The following SCAPER variants were observed in gnomAD, a reference collection of about 807,000 sequenced individuals.
SCAPER encodes S-phase cyclin A associated protein in the ER.
In SCAPER, 98 loss-of-function variants were observed where a neutral mutation model predicts 182.2. That is an observed-to-expected ratio of 0.54 (90% CI 0.46 to 0.64). The LOEUF (loss-of-function observed/expected upper bound fraction) is 0.64. Among genes scored for constraint, SCAPER ranks in the 30% least tolerant of loss-of-function variants. The pLI is 0.00. For missense variants in SCAPER, 1,432 were observed against 1,690.0 expected (o/e 0.85, Z 2.68); for synonymous variants, 605 against 564.6 (o/e 1.07, Z -1.01).
chr15:76,544,818 G>A (rs2045113307), intron 23 of SCAPER, among the ~76,000 whole-genome samples: 1 of 152,124 alleles, frequency 6.6e-6, no homozygotes, highest in Non-Finnish European at 1.5e-5. Context: ...TATGGTATAT[G>A]AATTAAATCT....
At chr15:76,427,201 CA>C (rs1456817088) in intron 26 of SCAPER, among the ~76,000 whole-genome samples, 1 of 151,774 alleles carries the variant, frequency 6.6e-6, no homozygotes. Context: ...ATTAACATAC[CA>C]AAAAAATAGA....
intron 1 of SCAPER, among the ~76,000 whole-genome samples, chr15:76,899,928 A>G (rs1173470630): frequency 2.0e-5 from 3 of 152,244 alleles, no homozygotes; most frequent in Non-Finnish European, 2.9e-5. Context: ...GAAAAGAAAG[A>G]TCAGATTGTT....
chr15:76,379,499 CT>C (rs2042794573), intron 28 of SCAPER, among the ~76,000 whole-genome samples: 3 of 151,796 alleles, frequency 2.0e-5, no homozygotes, highest in Admixed American at 2.0e-4. Flanking sequence ...CCTAGAGACC[CT>C]GATTTTGAGA....
At chr15:76,457,618 T>C (rs2048835755) in intron 25 of SCAPER, among the ~76,000 whole-genome samples, 1 of 152,222 alleles carries the variant, frequency 6.6e-6, no homozygotes. Context: ...TAAGCTGGTA[T>C]TGTAGCACTG....
At chr15:76,712,965 C>T (rs1408889421) in intron 17 of SCAPER, among the ~76,000 whole-genome samples, 1 of 152,164 alleles carries the variant, frequency 6.6e-6, no homozygotes, top group East Asian at 1.9e-4. Flanking sequence ...GCCAGAACTT[C>T]CAACACTATG....
chr15:76,574,597 G>T (rs2047687630), intron 22 of SCAPER, among the ~76,000 whole-genome samples: 1 of 152,174 alleles, frequency 6.6e-6, no homozygotes, highest in East Asian at 1.9e-4. Context: ...AGGGGGAGAA[G>T]GCCAGAGGAT....
intron 8 of SCAPER, among the ~76,000 whole-genome samples, chr15:76,775,688 C>A (rs926176869): frequency 6.6e-6 from 1 of 152,030 alleles, no homozygotes; most frequent in African/African-American, 2.4e-5. Flanking sequence ...CAACAGCATA[C>A]CTTGATTTAA....
At chr15:76,514,026 A>G (rs181297467) in intron 23 of SCAPER, among the ~76,000 whole-genome samples, 11 of 152,214 alleles carry the variant, frequency 7.2e-5, no homozygotes, top group African/African-American at 2.6e-4. Context: ...ATACTCTCCT[A>G]TGTCTGTGTT....
At chr15:76,511,330 T>C (rs1475319409) in intron 23 of SCAPER, among the ~76,000 whole-genome samples, 1 of 152,176 alleles carries the variant, frequency 6.6e-6, no homozygotes, top group East Asian at 1.9e-4. Flanking sequence ...CTTGCAAAAT[T>C]TACTCTTGAT....
intron 5 of SCAPER, among the ~76,000 whole-genome samples, chr15:76,806,473 T>C (rs2066168912): frequency 6.6e-6 from 1 of 152,228 alleles, no homozygotes; most frequent in African/African-American, 2.4e-5. Context: ...TCAGGGGGTC[T>C]AGGTCCTCAA....
chr15:76,863,667 C>G (rs62029237), intron 2 of SCAPER, among the ~76,000 whole-genome samples: 10,194 of 152,192 alleles, frequency 0.067, 377 homozygotes, highest in Middle Eastern at 0.11. Flanking sequence ...AGATGCCTCC[C>G]TTGGCCCCAG....
intron 17 of SCAPER, among the ~76,000 whole-genome samples, chr15:76,711,814 T>C (rs1248823381): frequency 6.6e-6 from 1 of 152,162 alleles, no homozygotes; most frequent in Non-Finnish European, 1.5e-5. Flanking sequence ...TTTGTTTGAG[T>C]TCATTGTAGA....
Position 76,883,876 on chromosome 15 carries a change from C to T in SCAPER, c.-59G>A. On this transcript the variant is annotated splice_region_variant and 5_prime_UTR_variant, in exon 2 of 32. Coordinates refer to ENST00000563290, the MANE Select transcript of SCAPER (RefSeq NM_020843.4). ...TCACATAAACCCATGGAGTATGACT[C>T]CTACAATAAAAAATATATATACGCT... The T allele has an allele frequency of 1.6e-6, 2 of 1,285,474 alleles. No homozygotes were observed. Among genetic ancestry groups the T allele is most frequent in the South Asian group, 2.9e-5 (2 of 68,252 alleles). 79.6% of individuals were successfully genotyped at this position (1,285,474 alleles called of 1,614,324 possible). A position where few individuals can be genotyped will look rare whatever the true frequency, so the allele number is the denominator to read the frequency against.
intron 21 of SCAPER, among the ~76,000 whole-genome samples, chr15:76,627,228 T>G (rs2052664503): frequency 7.5e-6 from 1 of 133,948 alleles, no homozygotes; most frequent in Admixed American, 8.0e-5. Context: ...CTTGTTTTAT[T>G]AAAAAAAGAG....
At chr15:76,858,276 C>T (rs1212795570) in intron 3 of SCAPER, among the ~76,000 whole-genome samples, 1 of 152,114 alleles carries the variant, frequency 6.6e-6, no homozygotes, top group Non-Finnish European at 1.5e-5. Context: ...AAAATTAAGA[C>T]TATATGTTTT....
At position 76,559,201 on chromosome 15, in the gene SCAPER, A is replaced by ATT. The variant is rs58642207; in HGVS notation, c.2838+14955_2838+14956dup. Reference sequence around the variant, plus strand: ...AGGCACCCACCACCACACCCAGCTAATTTTTTTTTTTTTTTTTTTTTTTTT... The same window carrying ATT: ...AGGCACCCACCACCACACCCAGCTAATTTTTTTTTTTTTTTTTTTTTTTTTTT... On this transcript the variant is annotated intron_variant, in intron 23 of 31. Transcript: ENST00000563290. Among the ~76,000 whole-genome samples the ATT allele has an allele frequency of 6.5e-3, 790 of 121,378 alleles. 3 individuals are homozygous for ATT. The highest frequency in any genetic ancestry group is 0.016 in the African/African-American group (435 of 26,598). The allele number at this position is 121,378 out of a possible 152,430, so 79.6% of individuals were successfully genotyped here. A position where few individuals can be genotyped will look rare whatever the true frequency, so the allele number is the denominator to read the frequency against.
At chr15:76,753,664 G>A (rs1417804492) in intron 15 of SCAPER, 144 bp downstream of exon 15, 5 of 859,716 alleles carry the variant, frequency 5.8e-6, no homozygotes, top group Non-Finnish European at 8.6e-6. Context: ...TATTGCACCT[G>A]GTAAGTTTTA....
intron 4 of SCAPER, among the ~76,000 whole-genome samples, chr15:76,842,265 G>A (rs952910734): frequency 6.6e-6 from 1 of 152,152 alleles, no homozygotes; most frequent in African/African-American, 2.4e-5. Context: ...GATTGATATG[G>A]TTAGGCTTTC....
intron 2 of SCAPER, among the ~76,000 whole-genome samples, chr15:76,873,115 C>T (rs1397021646): frequency 6.6e-6 from 1 of 150,446 alleles, no homozygotes; most frequent in East Asian, 2.0e-4. Flanking sequence ...TTAAGCCAGG[C>T]ATAATGGCAC....
Sources: gnomAD v4.1 joint callset for allele counts (sites outside exome capture counted in the v4.1 genomes callset) on GRCh38, gnomAD v4.1.1 for gene constraint, MANE v1.5 for transcripts, NCBI Gene and HGNC (gene_info 2026-07-23, HGNC 2026-07-21) for gene names.